Variants in SBF2 observed in about 807,000 individuals in gnomAD.
SBF2 encodes the protein myotubularin-related protein 13.
SBF2 carries 112 observed loss-of-function variants against 225.2 expected under a neutral mutation model. The observed-to-expected ratio is 0.50, with a 90% CI of 0.43 to 0.58. The LOEUF is 0.58. Among genes scored for constraint, SBF2 ranks in the 20% least tolerant of loss-of-function variants. The pLI, the probability that SBF2 is intolerant of heterozygous loss-of-function variation, is 0.00. For synonymous variants in SBF2, 763 were observed against 773.3 expected (o/e 0.99, Z 0.22); for missense variants, 1,996 against 2,206.2 (o/e 0.90, Z 1.91).
chr11:9,857,164 C>T (rs565959171), intron 18 of SBF2, among the ~76,000 whole-genome samples: 2 of 152,260 alleles, frequency 1.3e-5, no homozygotes, highest in East Asian at 3.9e-4. Context: ...AACATAACAA[C>T]CACAAAACAA....
chr11:10,220,519 C>T (rs1234192894), intron 1 of SBF2, among the ~76,000 whole-genome samples: 2 of 152,166 alleles, frequency 1.3e-5, no homozygotes, highest in Admixed American at 1.3e-4. Flanking sequence ...CTCCTTTCTA[C>T]CACCACTCCC....
At chr11:10,037,357 A>G (rs1949479346) in intron 3 of SBF2, among the ~76,000 whole-genome samples, 1 of 152,174 alleles carries the variant, frequency 6.6e-6, no homozygotes, top group Admixed American at 6.5e-5. Context: ...AACAAAGTCT[A>G]GTCTTGTTGA....
At chr11:9,922,432 T>C (rs1249650373) in intron 16 of SBF2, among the ~76,000 whole-genome samples, 1 of 152,206 alleles carries the variant, frequency 6.6e-6, no homozygotes, top group East Asian at 1.9e-4. Context: ...GTTTAAACTA[T>C]GACTATAATT....
chr11:9,996,058 G>C (rs1182067827), intron 9 of SBF2, among the ~76,000 whole-genome samples: 1 of 152,114 alleles, frequency 6.6e-6, no homozygotes, highest in Non-Finnish European at 1.5e-5. Flanking sequence ...TTACCAAAAA[G>C]GAATTTTACA....
intron 2 of SBF2, among the ~76,000 whole-genome samples, chr11:10,063,343 TA>T (rs756737048): frequency 0.17 from 22,039 of 131,524 alleles, 1,947 homozygotes; most frequent in Non-Finnish European, 0.21. Flanking sequence ...TATATATATA[TA>T]TTTTTTTAAT....
chr11:10,062,408 C>A (rs1376636387), intron 2 of SBF2, among the ~76,000 whole-genome samples: 1 of 152,126 alleles, frequency 6.6e-6, no homozygotes, highest in East Asian at 1.9e-4. Flanking sequence ...GAGAAGCCTA[C>A]AGACTGGGAG....
intron 13 of SBF2, among the ~76,000 whole-genome samples, chr11:9,981,592 A>C (rs985036062): frequency 6.6e-6 from 1 of 152,222 alleles, no homozygotes; most frequent in Non-Finnish European, 1.5e-5. Context: ...TCAATTCTAT[A>C]TTTCCCTTAT....
At chr11:9,959,063 C>A in intron 16 of SBF2, 1 of 1,503,826 alleles carries the variant, frequency 6.6e-7, no homozygotes, top group Non-Finnish European at 9.1e-7. Flanking sequence ...CAGCCTGCAC[C>A]ATTCCAGTTC....
intron 16 of SBF2, among the ~76,000 whole-genome samples, chr11:9,902,446 A>G (rs115550196): frequency 2.0e-4 from 30 of 152,350 alleles, no homozygotes; most frequent in African/African-American, 7.0e-4. Context: ...ACCAAGGTAC[A>G]CCTTCCATGT....
intron 26 of SBF2, among the ~76,000 whole-genome samples, chr11:9,835,500 G>A (rs1315200496): frequency 1.3e-5 from 2 of 151,658 alleles, no homozygotes; most frequent in African/African-American, 2.4e-5. Context: ...CAGGTTTGGT[G>A]GCATGCGCCT....
intron 2 of SBF2, among the ~76,000 whole-genome samples, chr11:10,144,653 T>C (rs1187495265): frequency 1.3e-5 from 2 of 152,240 alleles, no homozygotes; most frequent in Non-Finnish European, 2.9e-5. Context: ...AAATAAACTT[T>C]AAACACATTC....
chr11:9,847,162 T>G, intron 22 of SBF2, 79 bp from the exon 23 acceptor site: 2 of 1,545,358 alleles, frequency 1.3e-6, no homozygotes, highest in Non-Finnish European at 8.9e-7. Context: ...ACTTCATCAG[T>G]CTCTGCTAGA....
intron 16 of SBF2, among the ~76,000 whole-genome samples, chr11:9,935,819 A>C (rs2134275910): frequency 6.6e-6 from 1 of 152,370 alleles, no homozygotes; most frequent in African/African-American, 2.4e-5. Context: ...AGATGGATTA[A>C]AGACTTAAAT....
chr11:10,149,885 T>G (rs1955091841), intron 2 of SBF2, among the ~76,000 whole-genome samples: 1 of 152,188 alleles, frequency 6.6e-6, no homozygotes, highest in Admixed American at 6.5e-5. Flanking sequence ...CCTAGGGCCT[T>G]GGAAACTCCC....
At chr11:10,137,881 GC>G (rs1954457874) in intron 2 of SBF2, among the ~76,000 whole-genome samples, 1 of 151,966 alleles carries the variant, frequency 6.6e-6, no homozygotes, top group African/African-American at 2.4e-5. Context: ...GTTGGCGGAC[GC>G]CTGTAATCTC....
chr11:10,067,785 G>C (rs1018896257), intron 2 of SBF2, among the ~76,000 whole-genome samples: 2 of 152,026 alleles, frequency 1.3e-5, no homozygotes, highest in Admixed American at 6.6e-5. Context: ...CATCCAGCTC[G>C]AGAGGCTGAG....
intron 2 of SBF2, among the ~76,000 whole-genome samples, chr11:10,105,207 G>A (rs906742964): frequency 5.3e-5 from 8 of 152,264 alleles, no homozygotes; most frequent in Middle Eastern, 3.4e-3. Flanking sequence ...ACTGTGTCTT[G>A]AAAGGACTGA....
rs545165265 is a variant in SBF2 at position 10,084,847 on chromosome 11, CAT to C, written c.142-41868_142-41867del. ...AACTCAGAAACAGAGTCAAATGCCA[CAT>C]GTTCTCACTTACAAGTGGGTGCTAA... On this transcript the variant is annotated intron_variant, in intron 2 of 39. Transcript: ENST00000256190. Among the ~76,000 whole-genome samples, 269 of 152,296 alleles carry C rather than the reference CAT, an allele frequency of 1.8e-3. 3 individuals are homozygous for C. The highest frequency in any genetic ancestry group is 3.0e-3 in the Admixed American group (46 of 15,302).
intron 1 of SBF2, among the ~76,000 whole-genome samples, chr11:10,214,775 G>A (rs778127142): frequency 2.0e-5 from 3 of 152,118 alleles, no homozygotes; most frequent in Non-Finnish European, 4.4e-5. Flanking sequence ...CCACAAACTG[G>A]TTACCAGTGA....
Sources: allele counts gnomAD v4.1 joint callset (sites outside exome capture counted in the v4.1 genomes callset), GRCh38; gene constraint gnomAD v4.1.1; transcripts MANE v1.5; gene names NCBI Gene and HGNC (gene_info 2026-07-23, HGNC 2026-07-21).